Variants in NTM observed in about 807,000 individuals in gnomAD.
The protein encoded by NTM is IgLON family member 2.
NTM carries 13 observed loss-of-function variants against 42.1 expected under a neutral mutation model. That is an observed-to-expected ratio of 0.31 (90% CI 0.20 to 0.49). The LOEUF (loss-of-function observed/expected upper bound fraction) is 0.49, where lower values mean the gene tolerates loss of function less well. NTM is among the 20% of genes least tolerant of loss of function. The pLI is 0.99. For missense variants in NTM, 373 were observed against 452.8 expected, an observed-to-expected ratio of 0.82 and a Z score of 1.60; for synonymous variants, 187 against 179.2, an observed-to-expected ratio of 1.04 and a Z score of -0.35.
intron 1 of NTM, among the ~76,000 whole-genome samples, chr11:131,834,513 A>G (rs2043219333): frequency 1.3e-5 from 2 of 151,614 alleles, no homozygotes; most frequent in Admixed American, 1.3e-4. Context: ...GGTCCCTATC[A>G]TCCTAATCAT....
At chr11:131,734,641 G>A (rs1211986543) in intron 1 of NTM, among the ~76,000 whole-genome samples, 1 of 152,014 alleles carries the variant, frequency 6.6e-6, no homozygotes, top group African/African-American at 2.4e-5. Context: ...TCTTCCTTTG[G>A]GGTAGCTACA....
At chr11:131,660,757 G>C (rs968349722) in intron 1 of NTM, 9 of 744,224 alleles carry the variant, frequency 1.2e-5, no homozygotes, top group African/African-American at 3.7e-5. Context: ...AGGGAGACTG[G>C]GCCCTGGGGA....
At chr11:131,697,074 G>T (rs1027650581) in intron 1 of NTM, among the ~76,000 whole-genome samples, 1 of 152,190 alleles carries the variant, frequency 6.6e-6, no homozygotes, top group African/African-American at 2.4e-5. Flanking sequence ...AGACGAAGCC[G>T]GCTGGGGGCA....
intron 4 of NTM, among the ~76,000 whole-genome samples, chr11:132,289,808 C>T (rs1047662020): frequency 6.6e-5 from 10 of 152,194 alleles, no homozygotes; most frequent in Non-Finnish European, 1.2e-4. Context: ...TGAGGTTTAC[C>T]TCAGGGCAGG....
intron 1 of NTM, among the ~76,000 whole-genome samples, chr11:131,707,894 T>C (rs937737003): frequency 1.3e-5 from 2 of 152,078 alleles, no homozygotes; most frequent in African/African-American, 4.8e-5. Context: ...TTCTACTCAA[T>C]GTAGGACTGA....
At chr11:131,565,362 T>C (rs1044584594) in intron 1 of NTM, among the ~76,000 whole-genome samples, 11 of 152,120 alleles carry the variant, frequency 7.2e-5, no homozygotes, top group African/African-American at 2.7e-4. Context: ...ATCCAACCAA[T>C]ATTGTTGGCC....
At chr11:132,013,026 A>G (rs1452989554) in intron 2 of NTM, among the ~76,000 whole-genome samples, 1 of 152,184 alleles carries the variant, frequency 6.6e-6, no homozygotes. Flanking sequence ...GGAATTGTTC[A>G]TGGAGCAGTT....
chr11:131,858,835 A>G (rs1308518595), intron 1 of NTM, among the ~76,000 whole-genome samples: 1 of 152,204 alleles, frequency 6.6e-6, no homozygotes, highest in Non-Finnish European at 1.5e-5. Flanking sequence ...AATTGGCAAT[A>G]ATCCAGGCAA....
intron 3 of NTM, among the ~76,000 whole-genome samples, chr11:132,203,939 G>A (rs1021067707): frequency 6.6e-6 from 1 of 151,850 alleles, no homozygotes; most frequent in Admixed American, 6.6e-5. Context: ...AAAAAACACT[G>A]CAATTTTCAG....
chr11:131,431,803 T>G (rs983312021), intron 1 of NTM, among the ~76,000 whole-genome samples: 3 of 152,092 alleles, frequency 2.0e-5, no homozygotes, highest in African/African-American at 7.2e-5. Context: ...TCACAGCCAC[T>G]GGGTGAGGGT....
At chr11:132,193,634 A>G (rs1440848985) in intron 3 of NTM, among the ~76,000 whole-genome samples, 6 of 152,058 alleles carry the variant, frequency 3.9e-5, no homozygotes, top group African/African-American at 1.4e-4. Flanking sequence ...CAAACGCCAA[A>G]GATAACAGAA....
chr11:131,617,395 C>T (rs552900127), intron 1 of NTM, among the ~76,000 whole-genome samples: 8 of 152,146 alleles, frequency 5.3e-5, no homozygotes, highest in Non-Finnish European at 8.8e-5. Context: ...GATTCTACTG[C>T]GATTGTGATT....
chr11:132,138,600 A>ATCTG (rs2068445013), intron 2 of NTM, among the ~76,000 whole-genome samples: 1 of 52,522 alleles, frequency 1.9e-5, no homozygotes, highest in African/African-American at 5.3e-5. Flanking sequence ...CTATCTATCT[A>ATCTG]TCTATCTATC....
chr11:131,742,913 A>T (rs1437813394), intron 1 of NTM, among the ~76,000 whole-genome samples: 1 of 152,234 alleles, frequency 6.6e-6, no homozygotes, highest in Non-Finnish European at 1.5e-5. Context: ...TTGTCTACTG[A>T]GGAGATAAGT....
chr11:132,277,651 A>G (rs1464420924), intron 4 of NTM, among the ~76,000 whole-genome samples: 2 of 152,188 alleles, frequency 1.3e-5, no homozygotes, highest in African/African-American at 4.8e-5. Context: ...ATATTTGATA[A>G]CGTAATATCA....
intron 7 of NTM, among the ~76,000 whole-genome samples, chr11:132,318,956 T>C (rs925625887): frequency 1.1e-4 from 16 of 152,154 alleles, no homozygotes; most frequent in African/African-American, 3.4e-4. Context: ...TTACTCACTT[T>C]AGTGATGTAC....
intron 2 of NTM, among the ~76,000 whole-genome samples, chr11:131,973,831 GA>G (rs1337319113): frequency 1.3e-5 from 2 of 151,978 alleles, no homozygotes; most frequent in African/African-American, 4.8e-5. Flanking sequence ...AAACAACAAC[GA>G]AAAAAGAAGA....
chr11:131,842,240 C>CT (rs1317300050), intron 1 of NTM, among the ~76,000 whole-genome samples: 1 of 152,126 alleles, frequency 6.6e-6, no homozygotes, highest in Admixed American at 6.5e-5. Context: ...AGACGGTGGT[C>CT]TTTTCTTTGG....
chr11:131,662,217 G>T (rs75754602), intron 1 of NTM: 2 of 152,202 alleles, frequency 1.3e-5, no homozygotes, highest in African/African-American at 4.8e-5. Context: ...AACAAAGAGG[G>T]AGGATAAAAG....
Sources: gnomAD v4.1 joint callset for allele counts (sites outside exome capture counted in the v4.1 genomes callset) on GRCh38, gnomAD v4.1.1 for gene constraint, MANE v1.5 for transcripts, NCBI Gene and HGNC (gene_info 2026-07-23, HGNC 2026-07-21) for gene names.